Variants in TMC7 observed in about 807,000 individuals in gnomAD.
TMC7 encodes the protein transmembrane channel like 7, also known as transmembrane channel-like protein 7.
In TMC7, 54 loss-of-function variants were observed where a neutral mutation model predicts 82.9. That is an observed-to-expected ratio of 0.65 (90% CI 0.52 to 0.82). The LOEUF (loss-of-function observed/expected upper bound fraction) is 0.82, where lower values mean the gene tolerates loss of function less well. Ranked by LOEUF, TMC7 falls within the 40% of genes least tolerant of loss-of-function variation. TMC7 has a pLI of 0.00. For synonymous variants in TMC7, 350 were observed against 337.9 expected, an observed-to-expected ratio of 1.04 and a Z score of -0.39; for missense variants, 820 against 901.2, an observed-to-expected ratio of 0.91 and a Z score of 1.15.
At chr16:18,999,272 TTATA>T (rs1178831828) in intron 1 of TMC7, among the ~76,000 whole-genome samples, 1 of 152,176 alleles carries the variant, frequency 6.6e-6, no homozygotes, top group Non-Finnish European at 1.5e-5. Context: ...AGTGTTGGGA[TTATA>T]GGCATGAGCC....
chr16:19,014,270 T>C (rs74014427), intron 2 of TMC7, among the ~76,000 whole-genome samples: 3 of 152,076 alleles, frequency 2.0e-5, no homozygotes, highest in Admixed American at 2.0e-4. Context: ...ACCCACTAGA[T>C]GCCAGAAGCA....
intron 6 of TMC7, among the ~76,000 whole-genome samples, chr16:19,031,699 C>T (rs1428044255): frequency 6.6e-6 from 1 of 152,020 alleles, no homozygotes; most frequent in Non-Finnish European, 1.5e-5. Flanking sequence ...AAAACAAAAA[C>T]AAAACCTGTA....
chr16:19,043,037 T>C (rs536049537), intron 9 of TMC7, among the ~76,000 whole-genome samples: 4 of 152,080 alleles, frequency 2.6e-5, no homozygotes, highest in African/African-American at 9.6e-5. Flanking sequence ...TGAGCCACCG[T>C]GCCCGGCTAC....
chr16:18,999,582 G>A (rs2039105372), intron 1 of TMC7, among the ~76,000 whole-genome samples: 1 of 152,230 alleles, frequency 6.6e-6, no homozygotes. Flanking sequence ...TGCTTGAGTG[G>A]TGATAGTTGC....
intron 5 of TMC7, among the ~76,000 whole-genome samples, 200 bp downstream of exon 5, chr16:19,023,395 T>TA (rs1457759109): frequency 1.3e-5 from 2 of 152,150 alleles, no homozygotes; most frequent in Non-Finnish European, 2.9e-5. Context: ...TGTCAGGAAA[T>TA]ATGCTTTATC....
intron 7 of TMC7, among the ~76,000 whole-genome samples, 186 bp downstream of exon 7, chr16:19,036,009 A>C (rs1487825939): frequency 6.6e-6 from 1 of 152,164 alleles, no homozygotes; most frequent in African/African-American, 2.4e-5. Context: ...TGATTACCCT[A>C]GACCTGAACA....
At chr16:19,056,049 A>G (rs143058207) in intron 13 of TMC7, among the ~76,000 whole-genome samples, 3 of 150,926 alleles carry the variant, frequency 2.0e-5, no homozygotes, top group African/African-American at 7.3e-5. Context: ...AGGTCTAGAG[A>G]CTTGATAAAA....
At position 19,021,709 on chromosome 16, in the gene TMC7, A is replaced by C. The variant is rs768452250; in HGVS notation, c.541A>C (p.Ile181Leu). The C allele has an allele frequency of 1.2e-6, 2 of 1,613,956 alleles. No individual in the cohort carries two copies. Among genetic ancestry groups the C allele is most frequent in the Non-Finnish European group, 1.7e-6 (2 of 1,180,032 alleles). The change falls in exon 4 of 16, where the codon ATC becomes CTC. Residue 181 changes from isoleucine (I) to leucine (L), a missense_variant. Ile to Leu is a conservative substitution (Grantham distance 5). Transcript: ENST00000304381. ...GCTGAATTTGGTGATATTTCTGATC[A>C]TCTTTATGCTGGTTTTGCTCCCAGT... ...VLLNLVIFLIIFMLVLLPVLL... is the reference protein window; with the variant it reads ...VLLNLVIFLILFMLVLLPVLL...
chr16:19,046,754 G>A (rs1961290309), intron 11 of TMC7, among the ~76,000 whole-genome samples: 1 of 151,666 alleles, frequency 6.6e-6, no homozygotes, highest in African/African-American at 2.4e-5. Flanking sequence ...GATCACTTGA[G>A]CCTTGGAGGT....
At chr16:18,994,561 G>A (rs1464268191) in intron 1 of TMC7, among the ~76,000 whole-genome samples, 3 of 152,092 alleles carry the variant, frequency 2.0e-5, no homozygotes, top group African/African-American at 7.2e-5. Context: ...TTTTAGGGCT[G>A]CTTCTTAAGG....
chr16:19,039,177 A>ACCTC (rs907197170), intron 8 of TMC7, among the ~76,000 whole-genome samples: 2 of 133,796 alleles, frequency 1.5e-5, no homozygotes, highest in African/African-American at 2.8e-5. Context: ...TGCAACCTCC[A>ACCTC]CCTCCCGGGT....
chr16:19,043,441 C>T (rs145681675), intron 9 of TMC7, among the ~76,000 whole-genome samples: 2 of 79,054 alleles, frequency 2.5e-5, no homozygotes, highest in East Asian at 7.5e-4. Context: ...TAACCATTGT[C>T]AGAGTACAAT....
intron 1 of TMC7, among the ~76,000 whole-genome samples, chr16:18,996,656 G>C (rs59366033): frequency 7.2e-5 from 11 of 152,110 alleles, no homozygotes; most frequent in East Asian, 1.9e-4. Flanking sequence ...AGGGCGGAAG[G>C]TTGCCCATAG....
chr16:19,006,605 C>G (rs955880767), intron 1 of TMC7, among the ~76,000 whole-genome samples: 4 of 152,214 alleles, frequency 2.6e-5, no homozygotes, highest in African/African-American at 9.6e-5. Flanking sequence ...TTCTCCCTGT[C>G]CTAAATACCT....
At chr16:19,021,566 G>A in intron 3 of TMC7, 63 bp from the exon 4 acceptor site, 2 of 1,528,256 alleles carry the variant, frequency 1.3e-6, no homozygotes, top group South Asian at 2.5e-5. Flanking sequence ...GTGGCTGATT[G>A]AATCTATGAT....
chr16:19,055,413 A>G (rs914350034), intron 13 of TMC7, among the ~76,000 whole-genome samples: 4 of 152,230 alleles, frequency 2.6e-5, no homozygotes, highest in East Asian at 3.9e-4. Flanking sequence ...GCTGGAGTAC[A>G]GTGGCCCGAT....
chr16:19,031,090 C>T (rs1017583619), intron 6 of TMC7, among the ~76,000 whole-genome samples: 3 of 152,138 alleles, frequency 2.0e-5, no homozygotes, highest in Non-Finnish European at 2.9e-5. Context: ...GGCTTAGGAA[C>T]GATATCAAAA....
At chr16:18,992,672 C>A (rs2038973092) in intron 1 of TMC7, among the ~76,000 whole-genome samples, 1 of 152,176 alleles carries the variant, frequency 6.6e-6, no homozygotes, top group South Asian at 2.1e-4. Flanking sequence ...AGTCCTTGCC[C>A]ATGCCTATGT....
In TMC7 at chr16:19,056,745, T is replaced by C. The variant is rs373084408; in HGVS notation, c.2027+48T>C. 56 of 1,597,168 alleles carry C rather than the reference T, an allele frequency of 3.5e-5. No homozygotes were observed. The African/African-American group carries it at 4.8e-4, about 14-fold the overall frequency. ...CACTGAGGCACGTGGGCTCCTCCCA[T>C]TGGGAAATGGCGGCGGTCGGGGCGG... is the stretch of plus-strand genomic sequence containing the variant. On this transcript the variant is annotated intron_variant, in intron 14 of 15. Transcript: ENST00000304381.
Sources: allele counts gnomAD v4.1 joint callset (sites outside exome capture counted in the v4.1 genomes callset), GRCh38; gene constraint gnomAD v4.1.1; transcripts MANE v1.5; gene names NCBI Gene and HGNC (gene_info 2026-07-23, HGNC 2026-07-21).